CAPN7: variants seen among roughly 807,000 people sequenced by gnomAD.
CAPN7 encodes the protein calpain 7, also known as calpain-7.
Under a neutral mutation model 115.2 loss-of-function variants are expected in CAPN7, and 72 were observed. The observed-to-expected ratio is 0.63, with a 90% confidence interval of 0.52 to 0.76. CAPN7 has a LOEUF of 0.76. Among genes scored for constraint, CAPN7 ranks in the 30% least tolerant of loss-of-function variants. CAPN7 has a pLI of 0.00. For synonymous variants in CAPN7, 344 were observed against 322.3 expected (o/e 1.07, Z -0.72); for missense variants, 905 against 971.5 (o/e 0.93, Z 0.91).
chr3:15,224,911 A>C (rs917270626), intron 6 of CAPN7, among the ~76,000 whole-genome samples: 1 of 152,188 alleles, frequency 6.6e-6, no homozygotes, highest in African/African-American at 2.4e-5. Flanking sequence ...GATGCTAGTA[A>C]CTGATTGGGA....
chr3:15,240,006 T>G (rs547425020), intron 12 of CAPN7, among the ~76,000 whole-genome samples: 72 of 152,330 alleles, frequency 4.7e-4, no homozygotes, highest in African/African-American at 1.7e-3. Flanking sequence ...CAAAGGTACA[T>G]GGAGTATAAA....
chr3:15,208,091 A>G (rs900701775), intron 1 of CAPN7, among the ~76,000 whole-genome samples: 1 of 151,988 alleles, frequency 6.6e-6, no homozygotes, highest in Non-Finnish European at 1.5e-5. Context: ...GGCAATAGGA[A>G]TTTTTCAACT....
At chr3:15,229,112 A>T in intron 8 of CAPN7, 53 bp downstream of exon 8, 1 of 1,301,512 alleles carries the variant, frequency 7.7e-7, no homozygotes, top group Non-Finnish European at 1.1e-6. Flanking sequence ...CTTAACTAGA[A>T]ATTTAAAACT....
chr3:15,240,812 T>C lies in CAPN7; in HGVS notation c.1611T>C (p.Ser537=). The C allele has an allele frequency of 6.2e-7, 1 of 1,613,094 alleles. No homozygotes were observed. ...LCQYYDVIYL[S]WNPGLFKEST... is the part of the protein sequence containing the mutation. ...AGTATTATGATGTGATTTATTTGAG[T>C]TGGAATCCAGGTCTTTTTAAAGAAT... The change falls in exon 14 of 21, where the codon AGT becomes AGC. Residue 537 remains serine (S), a synonymous_variant. Coordinates refer to ENST00000253693, the MANE Select transcript of CAPN7 (RefSeq NM_014296.3).
chr3:15,221,498 TC>T (rs1426658077), intron 5 of CAPN7, among the ~76,000 whole-genome samples: 1 of 151,840 alleles, frequency 6.6e-6, no homozygotes, highest in East Asian at 1.9e-4. Flanking sequence ...CGGCTTTAGT[TC>T]CAGTATATTT....
intron 12 of CAPN7, among the ~76,000 whole-genome samples, chr3:15,238,140 G>T (rs1199127075): frequency 7.6e-5 from 7 of 92,018 alleles, no homozygotes; most frequent in African/African-American, 3.0e-4. Context: ...TTTTGAGACA[G>T]TCTCACTGTG....
chr3:15,215,277 C>A (rs143887233), intron 2 of CAPN7, among the ~76,000 whole-genome samples: 2,096 of 152,108 alleles, frequency 0.014, 47 homozygotes, highest in African/African-American at 0.045. Context: ...TAAAAAAAAA[C>A]CAAAAACACG....
intron 9 of CAPN7, 132 bp downstream of exon 9, chr3:15,230,667 ACTAC>A: frequency 1.8e-6 from 1 of 558,702 alleles, no homozygotes; most frequent in Non-Finnish European, 3.3e-6. Context: ...ATTATATATT[ACTAC>A]CAGTAGCATC....
intron 1 of CAPN7, chr3:15,210,750 G>C: frequency 7.8e-7 from 1 of 1,280,900 alleles, no homozygotes; most frequent in Non-Finnish European, 1.0e-6. Context: ...GTAGAGACAG[G>C]GTTTCACCAT....
At position 15,221,058 on chromosome 3, in the gene CAPN7, T is replaced by C. The variant is rs1693950371; in HGVS notation, c.638+77T>C. On this transcript the variant is annotated intron_variant, in intron 5 of 20. Transcript: ENST00000253693. ...AGAATTTTATTTTCATTAGGTTTGCTGAATTGTATTCAGATTTCTCCTATA... is the reference window on the plus strand; with the variant it reads ...AGAATTTTATTTTCATTAGGTTTGCCGAATTGTATTCAGATTTCTCCTATA... 5.3e-6 allele frequency: 6 copies of C among 1,137,922 alleles called. No individual in the cohort carries two copies. The East Asian group carries it at 1.5e-4, about 29-fold the overall frequency. The allele number at this position is 1,137,922 out of a possible 1,614,324, so 70.5% of individuals were successfully genotyped here. A position where few individuals can be genotyped will look rare whatever the true frequency, so the allele number is the denominator to read the frequency against.
At chr3:15,230,256 C>G (rs957472798) in intron 8 of CAPN7, among the ~76,000 whole-genome samples, 186 bp from the exon 9 acceptor site, 1 of 152,098 alleles carries the variant, frequency 6.6e-6, no homozygotes, top group African/African-American at 2.4e-5. Context: ...AAATTACTTA[C>G]TAATAGTAAA....
intron 6 of CAPN7, among the ~76,000 whole-genome samples, chr3:15,226,253 G>T (rs946623025): frequency 6.6e-6 from 1 of 151,808 alleles, no homozygotes; most frequent in Non-Finnish European, 1.5e-5. Context: ...TTTGTATTTT[G>T]GGTAGAGACT....
intron 12 of CAPN7, among the ~76,000 whole-genome samples, chr3:15,238,590 GC>G (rs1695143334): frequency 6.6e-6 from 1 of 152,040 alleles, no homozygotes; most frequent in Non-Finnish European, 1.5e-5. Context: ...GCATAAAAGT[GC>G]TATCATTTTT....
intron 2 of CAPN7, 54 bp downstream of exon 2, chr3:15,212,266 G>A (rs1575156819): frequency 1.1e-6 from 1 of 940,822 alleles, no homozygotes; most frequent in Non-Finnish European, 1.6e-6. Flanking sequence ...CTCCCATCAT[G>A]TCTTTCCCCC....
Position 15,222,141 on chromosome 3 carries a change from T to C in CAPN7, c.638+1160T>C, listed in dbSNP as rs748948677. 2.6e-5 allele frequency among the ~76,000 whole-genome samples: 4 copies of C among 151,924 alleles called. No individual in the cohort carries two copies. In the South Asian group the frequency reaches 8.3e-4, roughly 31 times the overall value. On this transcript the variant is annotated intron_variant, in intron 5 of 20. Transcript: ENST00000253693. ...CTAAGCTATATACCATATGGCTCTT[T>C]ACAGAAAACATTTGCCGACCCCCTG...
chr3:15,231,393 TAAAAA>T (rs1281295225), intron 9 of CAPN7, among the ~76,000 whole-genome samples: 2 of 152,204 alleles, frequency 1.3e-5, no homozygotes, highest in African/African-American at 4.8e-5. Context: ...CTGATTTACT[TAAAAA>T]GTAAAGAAAA....
At chr3:15,238,336 G>A (rs1049115219) in intron 12 of CAPN7, among the ~76,000 whole-genome samples, 1 of 151,600 alleles carries the variant, frequency 6.6e-6, no homozygotes, top group African/African-American at 2.4e-5. Context: ...GGATGGTCTC[G>A]ATCTCCTGAC....
intron 2 of CAPN7, 136 bp from the exon 3 acceptor site, chr3:15,217,289 A>AT (rs34313459): frequency 0.18 from 131,590 of 738,290 alleles, 18,464 homozygotes; most frequent in African/African-American, 0.55. Flanking sequence ...TTTTTTAAGG[A>AT]TTTTTTTAAC....
At chr3:15,241,340 C>A in intron 14 of CAPN7, 113 bp from the exon 15 acceptor site, 1 of 1,050,046 alleles carries the variant, frequency 9.5e-7, no homozygotes, top group Non-Finnish European at 1.4e-6. Context: ...AATTTAAAAA[C>A]AGTAAAACAA....
Sources: gnomAD v4.1 joint callset for allele counts (sites outside exome capture counted in the v4.1 genomes callset) on GRCh38, gnomAD v4.1.1 for gene constraint, MANE v1.5 for transcripts, NCBI Gene and HGNC (gene_info 2026-07-23, HGNC 2026-07-21) for gene names.